Variants in SLC36A1 observed in about 807,000 individuals in gnomAD.
The protein encoded by SLC36A1 is proton-coupled amino acid transporter 1.
SLC36A1 carries 30 observed loss-of-function variants against 47.5 expected under a neutral mutation model. The ratio of observed to expected loss-of-function variants is 0.63; its 90% CI spans 0.47 to 0.86. The LOEUF (loss-of-function observed/expected upper bound fraction) is 0.86, where lower values mean the gene tolerates loss of function less well. Among genes scored for constraint, SLC36A1 ranks in the 40% least tolerant of loss-of-function variants. The probability of loss-of-function intolerance (pLI) is 0.00; values close to 1 mark genes in which losing one functional copy is unlikely to be tolerated. For synonymous variants in SLC36A1, 255 were observed against 249.7 expected (o/e 1.02, Z -0.20); for missense variants, 517 against 606.0 (o/e 0.85, Z 1.54).
the SLC36A1 span, among the ~76,000 whole-genome samples, chr5:151,513,357 C>G: frequency 1.3e-5 from 2 of 152,154 alleles, no homozygotes; most frequent in Admixed American, 6.5e-5. Context: ...TGCTCAACAA[C>G]AGTGGGCTGG....
chr5:151,356,082 G>A, the SLC36A1 span, among the ~76,000 whole-genome samples: 4 of 151,762 alleles, frequency 2.6e-5, no homozygotes, highest in Non-Finnish European at 4.4e-5. Flanking sequence ...GAATACAGGA[G>A]GATCCCAGAA....
the SLC36A1 span, chr5:151,537,748 C>G: frequency 6.4e-7 from 1 of 1,568,892 alleles, no homozygotes; most frequent in Non-Finnish European, 8.7e-7. Flanking sequence ...ACTTGGTATT[C>G]AGTAAAGAAG....
chr5:151,471,088 GT>G (rs1443179245), intron 7 of SLC36A1: 1 of 152,118 alleles, frequency 6.6e-6, no homozygotes, highest in Non-Finnish European at 1.5e-5. Context: ...TGATAATATG[GT>G]AAGACCTCAC....
downstream of SLC36A1, among the ~76,000 whole-genome samples, chr5:151,493,551 GT>G (rs1231090730): frequency 5.9e-5 from 9 of 152,084 alleles, no homozygotes; most frequent in Non-Finnish European, 1.3e-4. Context: ...ACCAGTATAA[GT>G]TTTAAAACAG....
the SLC36A1 span, among the ~76,000 whole-genome samples, chr5:151,425,659 C>T: frequency 3.9e-5 from 6 of 151,996 alleles, no homozygotes; most frequent in Non-Finnish European, 7.4e-5. Flanking sequence ...AAAAATAAAA[C>T]CCATCGTGTC....
the SLC36A1 span, among the ~76,000 whole-genome samples, chr5:151,353,461 A>G: frequency 8.5e-5 from 13 of 152,214 alleles, no homozygotes; most frequent in Non-Finnish European, 1.3e-4. Context: ...CCAAAGGAGC[A>G]GAGAGTTCCC....
chr5:151,358,205 G>A, the SLC36A1 span, among the ~76,000 whole-genome samples: 2 of 152,084 alleles, frequency 1.3e-5, no homozygotes, highest in Admixed American at 1.3e-4. Context: ...TTAGGTTGCA[G>A]TGTCTTATGC....
chr5:151,479,545 G>A (rs1214566885), intron 10 of SLC36A1, 56 bp downstream of exon 10: 5 of 1,578,030 alleles, frequency 3.2e-6, no homozygotes, highest in Non-Finnish European at 4.3e-6. Flanking sequence ...CACCCAGTCT[G>A]CAGGCTTTCA....
chr5:151,457,588 G>T (rs1754752735), intron 1 of SLC36A1, among the ~76,000 whole-genome samples: 1 of 152,066 alleles, frequency 6.6e-6, no homozygotes, highest in South Asian at 2.1e-4. Flanking sequence ...TTGAGACGAG[G>T]GCCAGGGTGA....
At chr5:151,460,602 C>A (rs977302013) in intron 2 of SLC36A1, among the ~76,000 whole-genome samples, 4 of 151,896 alleles carry the variant, frequency 2.6e-5, no homozygotes, top group South Asian at 2.1e-4. Context: ...ACAGGTGGTA[C>A]AAGATAAAGT....
intron 7 of SLC36A1, among the ~76,000 whole-genome samples, chr5:151,472,032 G>A (rs571088738): frequency 6.6e-6 from 1 of 152,164 alleles, no homozygotes; most frequent in Admixed American, 6.5e-5. Flanking sequence ...ACTGTTGTTC[G>A]GTGGAGGATT....
At chr5:151,551,437 A>T in the SLC36A1 span, 1 of 1,610,888 alleles carries the variant, frequency 6.2e-7, no homozygotes, top group South Asian at 1.1e-5. Flanking sequence ...TCTCCTCTCA[A>T]TACAGGGGTC....
the SLC36A1 span, chr5:151,554,628 T>G: frequency 6.2e-7 from 1 of 1,614,066 alleles, no homozygotes; most frequent in Non-Finnish European, 8.5e-7. Flanking sequence ...ACCACCACCC[T>G]GGAGGTGGAC....
At chr5:151,545,352 T>C in the SLC36A1 span, 8 of 1,614,146 alleles carry the variant, frequency 5.0e-6, no homozygotes, top group Non-Finnish European at 6.8e-6. Context: ...TCAGCACAGA[T>C]ATGCTACCAG....
chr5:151,514,768 CA>C, the SLC36A1 span, among the ~76,000 whole-genome samples: 2 of 152,182 alleles, frequency 1.3e-5, no homozygotes, highest in Admixed American at 6.5e-5. Context: ...CAGGCACTTT[CA>C]CCATCACATC....
At chr5:151,366,084 T>C in the SLC36A1 span, among the ~76,000 whole-genome samples, 2 of 152,210 alleles carry the variant, frequency 1.3e-5, no homozygotes, top group African/African-American at 4.8e-5. Context: ...TAAAAATGTA[T>C]GTGTGCACAT....
chr5:151,462,183 C>T (rs1755618733), intron 2 of SLC36A1, among the ~76,000 whole-genome samples: 1 of 152,106 alleles, frequency 6.6e-6, no homozygotes. Flanking sequence ...TTGATAGCCC[C>T]TCTACTTGAA....
At chr5:151,493,137 GATGAC>G (rs1760237080), downstream of SLC36A1, among the ~76,000 whole-genome samples, 1 of 152,204 alleles carries the variant, frequency 6.6e-6, no homozygotes, top group Non-Finnish European at 1.5e-5. Flanking sequence ...CAATGGAAGA[GATGAC>G]ACCCCTTCCC....
chr5:151,550,323 G>T, the SLC36A1 span, among the ~76,000 whole-genome samples: 1 of 152,184 alleles, frequency 6.6e-6, no homozygotes, highest in Non-Finnish European at 1.5e-5. Flanking sequence ...AAGTCACTGA[G>T]CAGGGAGAGA....
Sources: gnomAD v4.1 joint callset for allele counts (sites outside exome capture counted in the v4.1 genomes callset) on GRCh38, gnomAD v4.1.1 for gene constraint, MANE v1.5 for transcripts, NCBI Gene and HGNC (gene_info 2026-07-23, HGNC 2026-07-21) for gene names.